The following SLC22A24 variants were observed in gnomAD, a reference collection of about 807,000 sequenced individuals.
SLC22A24 encodes the protein solute carrier family 22 member 24.
SLC22A24 carries 53 observed loss-of-function variants against 49.8 expected under a neutral mutation model. The observed-to-expected ratio is 1.06, with a 90% CI of 0.85 to 1.34. The LOEUF (loss-of-function observed/expected upper bound fraction) is 1.34. SLC22A24 is among the 40% of genes most tolerant of loss of function. The pLI is 0.00. For synonymous variants in SLC22A24, 302 were observed against 256.4 expected (o/e 1.18, Z -1.70); for missense variants, 786 against 675.9 (o/e 1.16, Z -1.81).
chr11:63,086,927 A>G (rs2086990052), intron 6 of SLC22A24, among the ~76,000 whole-genome samples: 1 of 152,018 alleles, frequency 6.6e-6, no homozygotes, highest in South Asian at 2.1e-4. Context: ...TGGCAATGCT[A>G]ACAGGGAACT....
At chr11:63,102,005 GAAT>G (rs1245969340) in intron 5 of SLC22A24, among the ~76,000 whole-genome samples, 1 of 152,062 alleles carries the variant, frequency 6.6e-6, no homozygotes, top group Non-Finnish European at 1.5e-5. Context: ...TAGATAAATT[GAAT>G]AAGGTCAAGT....
In SLC22A24 at chr11:63,090,753, C is replaced by T. The variant is rs145012249; in HGVS notation, c.1070+5238G>A. On this transcript the variant is annotated intron_variant, in intron 6 of 9. Coordinates refer to ENST00000612278, the MANE Select transcript of SLC22A24 (RefSeq NM_001136506.2). ...CAATGAGAACAAAGACCCCAAGTAC[C>T]AGAATCTCTGGGACACAGGTAAAGC... 3.0e-3 allele frequency among the ~76,000 whole-genome samples: 445 copies of T among 150,344 alleles called. 1 individual carries two copies. Among genetic ancestry groups the T allele is most frequent in the African/African-American group, 0.01 (412 of 41,030 alleles).
At position 63,104,279 on chromosome 11, in the gene SLC22A24, G is replaced by T. The variant is rs931814084; in HGVS notation, c.850C>A (p.Arg284=). Residue 284 remains arginine, a synonymous_variant, in exon 5 of 10, where the codon CGG becomes AGG. Transcript: ENST00000612278. ...AGCTGATTGTTGATAATCAGCCACC[G>T]AGCAGACTCCACCATCTTCCTGATG... ...LSSWKMVESA[R]WLIINNQLDE... 2 of 1,549,498 alleles carry T rather than the reference G, an allele frequency of 1.3e-6. No individual in the cohort carries two copies. The highest frequency in any genetic ancestry group is 1.7e-6 in the Non-Finnish European group (2 of 1,146,518).
At chr11:63,136,193 A>T (rs1299260368) in intron 1 of SLC22A24, among the ~76,000 whole-genome samples, 1 of 152,214 alleles carries the variant, frequency 6.6e-6, no homozygotes, top group African/African-American at 2.4e-5. Context: ...TGAACAGCTC[A>T]GTGACTGGAT....
chr11:63,111,760 C>T (rs2087167043), intron 4 of SLC22A24, among the ~76,000 whole-genome samples: 4 of 152,018 alleles, frequency 2.6e-5, no homozygotes, highest in Admixed American at 2.6e-4. Flanking sequence ...ATTAGACTTG[C>T]TAGTGGTCTA....
At chr11:63,094,575 A>G (rs868470902) in intron 6 of SLC22A24, among the ~76,000 whole-genome samples, 9 of 151,996 alleles carry the variant, frequency 5.9e-5, no homozygotes, top group South Asian at 2.1e-4. Context: ...CACAATGGTT[A>G]AACTAGTTTA....
intron 9 of SLC22A24, 91 bp from the exon 10 acceptor site, chr11:63,080,091 A>G (rs936451742): frequency 7.9e-6 from 6 of 763,110 alleles, no homozygotes; most frequent in Non-Finnish European, 1.3e-5. Context: ...GTGCCTGAGG[A>G]CAAGCTGCCC....
intron 6 of SLC22A24, 47 bp from the exon 7 acceptor site, chr11:63,083,504 C>T (rs1044506652): frequency 7.0e-7 from 1 of 1,432,268 alleles, no homozygotes. Flanking sequence ...AGATTTAAAG[C>T]CTAGGAAACA....
intron 4 of SLC22A24, among the ~76,000 whole-genome samples, chr11:63,108,948 A>C: frequency 1.4e-5 from 2 of 140,148 alleles, no homozygotes; most frequent in Non-Finnish European, 1.5e-5. Flanking sequence ...TGCACCCACT[A>C]ACTCGTCATC....
chr11:63,099,631 C>G (rs192812221), intron 5 of SLC22A24, among the ~76,000 whole-genome samples: 78 of 151,994 alleles, frequency 5.1e-4, no homozygotes, highest in African/African-American at 1.7e-3. Context: ...AAAAAGAAAA[C>G]TACAGGTTAA....
In SLC22A24 at chr11:63,118,673, A is replaced by G. The variant is rs550545738; in HGVS notation, c.830+239T>C. On this transcript the variant is annotated intron_variant, in intron 4 of 9. Transcript: ENST00000612278. ...TCAAAAATAAGTGGGTATTTTTTCT[A>G]TTAAGAAAAATAATTTCATGATAAT... 4 of 541,582 alleles carry G rather than the reference A, an allele frequency of 7.4e-6. No individual in the cohort carries two copies. The East Asian group carries it at 1.1e-4, about 15-fold the overall frequency. The allele number at this position is 541,582 out of a possible 1,614,324, so 33.5% of individuals were successfully genotyped here.
chr11:63,082,434 A>C (rs541357476), intron 7 of SLC22A24, among the ~76,000 whole-genome samples: 137 of 152,348 alleles, frequency 9.0e-4, no homozygotes, highest in African/African-American at 3.3e-3. Context: ...CACCAGCAGG[A>C]GGCATGGAGC....
intron 2 of SLC22A24, among the ~76,000 whole-genome samples, chr11:63,132,670 G>A (rs933293263): frequency 6.6e-6 from 1 of 152,096 alleles, no homozygotes; most frequent in African/African-American, 2.4e-5. Context: ...TCCCTCCTCT[G>A]GAAGCTTCTT....
chr11:63,125,189 A>G (rs12283102), intron 2 of SLC22A24, among the ~76,000 whole-genome samples: 120,631 of 151,732 alleles, frequency 0.8, 49,037 homozygotes, highest in East Asian at 0.9. Flanking sequence ...TTAAGTTCTG[A>G]GGTACCTGTG....
chr11:63,114,478 G>T (rs1274650609), intron 4 of SLC22A24, among the ~76,000 whole-genome samples: 1 of 152,050 alleles, frequency 6.6e-6, no homozygotes. Context: ...AAGGTTTTTA[G>T]CTTCCTTGTG....
chr11:63,080,143 A>G (rs1488185979), intron 9 of SLC22A24, 143 bp from the exon 10 acceptor site: 1 of 584,566 alleles, frequency 1.7e-6, no homozygotes, highest in East Asian at 2.8e-5. Context: ...CTAGATATTG[A>G]TACTATTGTG....
rs72920264 is a variant in SLC22A24 at position 63,134,485 on chromosome 11, A to G, written c.506+180T>C. Among the ~76,000 whole-genome samples the G allele has an allele frequency of 4.1e-4, 62 of 152,220 alleles. 1 individual carries two copies. Among genetic ancestry groups the G allele is most frequent in the Non-Finnish European group, 7.4e-4 (50 of 67,992 alleles). ...ACAATGAACAGACTTTTAATACCCA[A>G]CTATCATTTCTAATTCAAATAAGCA... On this transcript the variant is annotated intron_variant, in intron 2 of 9. Coordinates refer to ENST00000612278, the MANE Select transcript of SLC22A24 (RefSeq NM_001136506.2).
rs749798341 is a variant in SLC22A24 at position 63,135,298 on chromosome 11, G to T, written c.403-530C>A. Among the ~76,000 whole-genome samples, 15 of 152,176 alleles carry T rather than the reference G, an allele frequency of 9.9e-5. 1 individual carries two copies. The Middle Eastern group carries it at 0.01, about 104-fold the overall frequency. ...GTCCACAGATTGAATCACCTGAACA[G>T]CTTTAAAAATACCGATGCCTAGATC... On this transcript the variant is annotated intron_variant, in intron 1 of 9. Transcript: ENST00000612278.
At chr11:63,113,622 G>A (rs1309765763) in intron 4 of SLC22A24, among the ~76,000 whole-genome samples, 3 of 152,090 alleles carry the variant, frequency 2.0e-5, no homozygotes, top group Non-Finnish European at 4.4e-5. Flanking sequence ...TTGGGAGGCC[G>A]AGGTGGGCAG....
Sources: gnomAD v4.1 joint callset for allele counts (sites outside exome capture counted in the v4.1 genomes callset) on GRCh38, gnomAD v4.1.1 for gene constraint, MANE v1.5 for transcripts, NCBI Gene and HGNC (gene_info 2026-07-23, HGNC 2026-07-21) for gene names.